PPFIA2: variants seen among roughly 807,000 people sequenced by gnomAD.
PPFIA2 encodes liprin-alpha-2.
A neutral mutation model predicts 175.5 loss-of-function variants in PPFIA2; 46 were observed. That is an observed-to-expected ratio of 0.26 (90% CI 0.21 to 0.34). The LOEUF is 0.34. PPFIA2 is among the 10% of genes least tolerant of loss of function. The pLI, the probability that PPFIA2 is intolerant of heterozygous loss-of-function variation, is 1.00. For synonymous variants in PPFIA2, 568 were observed against 511.4 expected (o/e 1.11, Z -1.49); for missense variants, 1,179 against 1,506.1 (o/e 0.78, Z 3.60).
At chr12:81,615,615 G>C (rs2061361835) in intron 4 of PPFIA2, among the ~76,000 whole-genome samples, 2 of 152,020 alleles carry the variant, frequency 1.3e-5, no homozygotes, top group Admixed American at 1.3e-4. Flanking sequence ...ATTTCTCAGA[G>C]GTCAACTAAG....
chr12:81,741,508 A>G (rs1231476093), intron 3 of PPFIA2, among the ~76,000 whole-genome samples: 2 of 152,206 alleles, frequency 1.3e-5, no homozygotes, highest in East Asian at 3.8e-4. Context: ...ACCAAATATA[A>G]AAGAATCCCC....
rs747336469 is a variant in PPFIA2 at position 81,353,201 on chromosome 12, G to C, written c.1912C>G (p.Leu638Val). 1.2e-6 allele frequency: 2 copies of C among 1,613,694 alleles called. No individual in the cohort carries two copies. Among genetic ancestry groups the C allele is most frequent in the Admixed American group, 3.3e-5 (2 of 59,958 alleles). ...GCATCGGAATGACCACTTGGAGAGA[G>C]AAGATCCATTGAGCTAAAAATTGTT... ...RETIFSSMDLLSPSGHSDAQT... is the reference protein window; with the variant it reads ...RETIFSSMDLVSPSGHSDAQT... The change falls in exon 17 of 33, where the codon CTC becomes GTC. Residue 638 changes from leucine to valine, a missense_variant. Physicochemically the swap from Leu to Val is conservative, Grantham distance 32. Transcript: ENST00000549396.
At chr12:81,747,964 C>T (rs1343589522) in intron 3 of PPFIA2, among the ~76,000 whole-genome samples, 2 of 144,054 alleles carry the variant, frequency 1.4e-5, no homozygotes, top group Non-Finnish European at 1.6e-5. Context: ...CATTCTCATA[C>T]CTCCTTTCAA....
chr12:81,718,628 T>C (rs1437916737), intron 3 of PPFIA2, among the ~76,000 whole-genome samples: 2 of 151,700 alleles, frequency 1.3e-5, no homozygotes, highest in African/African-American at 4.8e-5. Context: ...GTGGAAAATC[T>C]CTTTGAAGAT....
chr12:81,620,153 C>G (rs1301843862), intron 4 of PPFIA2, among the ~76,000 whole-genome samples: 2 of 110,818 alleles, frequency 1.8e-5, no homozygotes, highest in Admixed American at 1.1e-4. Flanking sequence ...GAGTGACACT[C>G]CTTCTCAAAA....
At chr12:81,265,388 C>A (rs1348653315) in intron 30 of PPFIA2, among the ~76,000 whole-genome samples, 1 of 150,252 alleles carries the variant, frequency 6.7e-6, no homozygotes, top group Non-Finnish European at 1.5e-5. Flanking sequence ...ATTGTTACTG[C>A]AGAAAGTTGA....
intron 4 of PPFIA2, among the ~76,000 whole-genome samples, chr12:81,574,890 A>C (rs1376192370): frequency 6.6e-6 from 1 of 151,784 alleles, no homozygotes; most frequent in Admixed American, 6.6e-5. Context: ...ATGTAACCAA[A>C]AAGACTTTGA....
At chr12:81,284,437 A>G in intron 24 of PPFIA2, 134 bp from the exon 25 acceptor site, 1 of 649,224 alleles carries the variant, frequency 1.5e-6, no homozygotes, top group East Asian at 2.7e-5. Context: ...GTGTGCATGA[A>G]AGAGACAGCA....
intron 4 of PPFIA2, among the ~76,000 whole-genome samples, chr12:81,470,175 G>A (rs570791559): frequency 6.6e-6 from 1 of 152,174 alleles, no homozygotes; most frequent in South Asian, 2.1e-4. Context: ...CAAAATATGA[G>A]CAAACTATAT....
At chr12:81,723,834 ATAAATCAGAGGG>A (rs2079677024) in intron 3 of PPFIA2, among the ~76,000 whole-genome samples, 1 of 151,048 alleles carries the variant, frequency 6.6e-6, no homozygotes, top group African/African-American at 2.4e-5. Flanking sequence ...ATCTGAAAGC[ATAAATCAGAGGG>A]TAAAATTAAG....
chr12:81,651,585 T>C (rs1422075959), intron 4 of PPFIA2, among the ~76,000 whole-genome samples: 1 of 152,154 alleles, frequency 6.6e-6, no homozygotes, highest in Non-Finnish European at 1.5e-5. Context: ...CAAAATTGTG[T>C]TACTTCAGTG....
chr12:81,732,093 TG>T (rs2080988600), intron 3 of PPFIA2, among the ~76,000 whole-genome samples: 1 of 151,576 alleles, frequency 6.6e-6, no homozygotes, highest in African/African-American at 2.4e-5. Context: ...AAATATCATA[TG>T]TGTAAGGGCT....
intron 3 of PPFIA2, among the ~76,000 whole-genome samples, chr12:81,741,746 C>A (rs527746824): frequency 2.4e-4 from 36 of 151,874 alleles, no homozygotes; most frequent in African/African-American, 8.5e-4. Context: ...AGATTGGACA[C>A]CCCTGCCTGA....
At chr12:81,596,158 A>T (rs2059222831) in intron 4 of PPFIA2, among the ~76,000 whole-genome samples, 1 of 152,072 alleles carries the variant, frequency 6.6e-6, no homozygotes, top group Admixed American at 6.6e-5. Flanking sequence ...AATTCTTTAT[A>T]ATCAATATAT....
At chr12:81,504,690 T>A (rs531407364) in intron 4 of PPFIA2, among the ~76,000 whole-genome samples, 35 of 152,254 alleles carry the variant, frequency 2.3e-4, no homozygotes, top group Non-Finnish European at 1.0e-4. Flanking sequence ...AGGACACATG[T>A]ACAGCTATGT....
chr12:81,495,189 G>A lies in PPFIA2; in HGVS notation c.304-37323C>T, dbSNP rs571842064. On this transcript the variant is annotated intron_variant, in intron 4 of 32. Coordinates refer to ENST00000549396, the MANE Select transcript of PPFIA2 (RefSeq NM_003625.5). ...ATCCCCTAACAGAAATTTAGCAACTGTGCCTCCTCACACATCTATAAATTA... is the reference window on the plus strand; with the variant it reads ...ATCCCCTAACAGAAATTTAGCAACTATGCCTCCTCACACATCTATAAATTA... 2.6e-5 allele frequency among the ~76,000 whole-genome samples: 4 copies of A among 152,064 alleles called. No individual in the cohort carries two copies. The South Asian group carries it at 8.3e-4, about 32-fold the overall frequency.
chr12:81,301,780 A>G (rs980820193), intron 22 of PPFIA2, among the ~76,000 whole-genome samples: 14 of 152,088 alleles, frequency 9.2e-5, no homozygotes, highest in East Asian at 1.9e-4. Flanking sequence ...CTATCTCTAC[A>G]TGGCTAACTC....
chr12:81,284,886 C>T (rs2137174260), intron 24 of PPFIA2, among the ~76,000 whole-genome samples: 1 of 152,146 alleles, frequency 6.6e-6, no homozygotes, highest in African/African-American at 2.4e-5. Context: ...AGTAAGTGTC[C>T]CTGAATTCTT....
chr12:81,539,032 G>A (rs1451573085), intron 4 of PPFIA2, among the ~76,000 whole-genome samples: 9 of 151,976 alleles, frequency 5.9e-5, no homozygotes, highest in African/African-American at 1.2e-4. Context: ...GTGGCGAAAT[G>A]TGGTCAGATT....
Sources: gnomAD v4.1 joint callset for allele counts (sites outside exome capture counted in the v4.1 genomes callset) on GRCh38, gnomAD v4.1.1 for gene constraint, MANE v1.5 for transcripts, NCBI Gene and HGNC (gene_info 2026-07-23, HGNC 2026-07-21) for gene names.